Variants in RNF180 observed in about 807,000 individuals in gnomAD.
The protein encoded by RNF180 is ring finger protein 180, also known as E3 ubiquitin-protein ligase RNF180.
Under a neutral mutation model 59.2 loss-of-function variants are expected in RNF180, and 38 were observed. That is an observed-to-expected ratio of 0.64 (90% CI 0.50 to 0.84). The LOEUF is 0.84. Among genes scored for constraint, RNF180 ranks in the 40% least tolerant of loss-of-function variants. The pLI is 0.00. For missense variants in RNF180, 705 were observed against 700.9 expected, an observed-to-expected ratio of 1.01 and a Z score of -0.07; for synonymous variants, 262 against 240.3, an observed-to-expected ratio of 1.09 and a Z score of -0.84.
Position 64,369,814 on chromosome 5 carries a change from G to A in RNF180, c.1779G>A (p.Ter593=), listed in dbSNP as rs754306429. The A allele has an allele frequency of 2.5e-5, 37 of 1,467,554 alleles. No individual in the cohort carries two copies. The South Asian group carries it at 4.2e-4, about 17-fold the overall frequency. 90.9% of individuals were successfully genotyped at this position (1,467,554 alleles called of 1,614,324 possible). The part of the protein sequence containing the change: ...CFLCYFFFPF[*] ...TTTGCTATTTTTTCTTTCCGTTTTA[G>A]GAATTTCATACCTTACTACAATTGA... The change falls in exon 8 of 8, where the codon TAG becomes TAA. Residue 593 remains the stop codon, a stop_retained_variant. Coordinates refer to ENST00000389100, the MANE Select transcript of RNF180 (RefSeq NM_001113561.2).
At chr5:64,256,227 G>C (rs982794679) in intron 5 of RNF180, among the ~76,000 whole-genome samples, 39 of 152,038 alleles carry the variant, frequency 2.6e-4, no homozygotes, top group Non-Finnish European at 4.4e-4. Flanking sequence ...TGTCAATTTT[G>C]GCTTTTGTTG....
intron 7 of RNF180, among the ~76,000 whole-genome samples, chr5:64,331,028 A>C (rs1016014021): frequency 6.6e-6 from 1 of 152,158 alleles, no homozygotes; most frequent in Non-Finnish European, 1.5e-5. Context: ...ATTTCACAGC[A>C]AAGTTGAAGC....
chr5:64,315,044 C>T (rs2112491223), intron 5 of RNF180, among the ~76,000 whole-genome samples: 1 of 152,194 alleles, frequency 6.6e-6, no homozygotes, highest in Middle Eastern at 3.4e-3. Context: ...GTTCATTTAC[C>T]CATGCATGAT....
intron 5 of RNF180, among the ~76,000 whole-genome samples, chr5:64,293,090 C>A (rs757133219): frequency 1.8e-4 from 28 of 152,272 alleles, no homozygotes; most frequent in Non-Finnish European, 1.5e-4. Context: ...GGCTGGAATT[C>A]CAAACCAGTG....
chr5:64,228,389 C>CTA (rs1266002088), intron 5 of RNF180, among the ~76,000 whole-genome samples: 1 of 152,100 alleles, frequency 6.6e-6, no homozygotes, highest in East Asian at 1.9e-4. Flanking sequence ...TTATGCAAGC[C>CTA]TATAGTCCCA....
intron 7 of RNF180, among the ~76,000 whole-genome samples, chr5:64,347,967 AATAG>A (rs1745620390): frequency 1.3e-5 from 2 of 152,136 alleles, no homozygotes; most frequent in South Asian, 4.1e-4. Context: ...GTTGAGAAAT[AATAG>A]ATACCACTAT....
At chr5:64,352,545 A>G (rs969789362) in intron 7 of RNF180, among the ~76,000 whole-genome samples, 7 of 152,076 alleles carry the variant, frequency 4.6e-5, no homozygotes, top group African/African-American at 1.4e-4. Context: ...ATTTAGTGCT[A>G]TAAATTTCCC....
At chr5:64,206,173 A>G (rs1752007811) in intron 2 of RNF180, among the ~76,000 whole-genome samples, 1 of 152,212 alleles carries the variant, frequency 6.6e-6, no homozygotes, top group African/African-American at 2.4e-5. Context: ...AAAAGTGTCC[A>G]TTGGTTTTAA....
intron 5 of RNF180, among the ~76,000 whole-genome samples, chr5:64,281,065 T>C (rs1315144886): frequency 6.6e-6 from 1 of 152,210 alleles, no homozygotes; most frequent in Non-Finnish European, 1.5e-5. Flanking sequence ...TGTGTGTGGT[T>C]ATTGTGAATG....
chr5:64,214,412 T>G lies in RNF180; in HGVS notation c.1086T>G (p.Asn362Lys), dbSNP rs1159521069. 1 of 1,613,896 alleles carries G rather than the reference T, an allele frequency of 6.2e-7. No individual in the cohort carries two copies. Among genetic ancestry groups the G allele is most frequent in the Non-Finnish European group, 8.5e-7 (1 of 1,180,002 alleles). Reference sequence around the variant, plus strand: ...CTCTGGACTTCCTGCACTCAGCCAATTTTTCATTGGGCAGCATTAATCAGA... The same window carrying G: ...CTCTGGACTTCCTGCACTCAGCCAAGTTTTCATTGGGCAGCATTAATCAGA... ...LSPLDFLHSA[N>K]FSLGSINQRL... is the part of the protein sequence containing the mutation. The change falls in exon 4 of 8, where the codon AAT (asparagine) becomes AAG (lysine). Residue 362 changes from asparagine (N) to lysine (K), a missense_variant. Physicochemically the swap from Asn to Lys is moderately conservative, Grantham distance 94 (BLOSUM62 0). Coordinates refer to ENST00000389100, the MANE Select transcript of RNF180 (RefSeq NM_001113561.2).
chr5:64,224,525 G>A (rs962367436), intron 5 of RNF180, among the ~76,000 whole-genome samples: 1 of 152,198 alleles, frequency 6.6e-6, no homozygotes, highest in Non-Finnish European at 1.5e-5. Flanking sequence ...GTGAGGTGAT[G>A]ACAGCAGGTT....
chr5:64,357,805 G>A (rs1008802300), intron 7 of RNF180, among the ~76,000 whole-genome samples: 4 of 151,688 alleles, frequency 2.6e-5, no homozygotes, highest in African/African-American at 4.8e-5. Context: ...ATTCCGTAGC[G>A]AAAAAAAGTC....
At position 64,213,577 on chromosome 5, in the gene RNF180, A is replaced by T. The variant is rs1752425630; in HGVS notation, c.251A>T (p.Lys84Ile). The T allele has an allele frequency of 6.2e-7, 1 of 1,613,028 alleles. No homozygotes were observed. The highest frequency in any genetic ancestry group is 8.5e-7 in the Non-Finnish European group (1 of 1,179,282). The change falls in exon 4 of 8, where the codon AAA (lysine) becomes ATA (isoleucine). Residue 84 changes from lysine (K) to isoleucine (I), a missense_variant. Lys to Ile is a moderately radical substitution (Grantham distance 102). Coordinates refer to ENST00000389100, the MANE Select transcript of RNF180 (RefSeq NM_001113561.2). ...LIQKAQWTVG[K>I]LNCPFCGARL... ...CTGTAGGCCCAGTGGACAGTTGGAA[A>T]ACTGAATTGTCCTTTCTGTGGGGCC...
At chr5:64,313,311 C>G (rs1743870966) in intron 5 of RNF180, among the ~76,000 whole-genome samples, 1 of 152,010 alleles carries the variant, frequency 6.6e-6, no homozygotes, top group African/African-American at 2.4e-5. Context: ...TTCCTCTCTC[C>G]CTTTACCCAT....
chr5:64,370,015 C>T lies in RNF180; in HGVS notation c.*201C>T. Reference sequence around the variant, plus strand: ...AACTTTATTCAAGAGCTAACCTACCCAGCACTTAGCAACAATGCACTATTA... The same window carrying T: ...AACTTTATTCAAGAGCTAACCTACCTAGCACTTAGCAACAATGCACTATTA... On this transcript the variant is annotated 3_prime_UTR_variant, in exon 8 of 8. Coordinates refer to ENST00000389100, the MANE Select transcript of RNF180 (RefSeq NM_001113561.2). 1 of 382,386 alleles carries T rather than the reference C, an allele frequency of 2.6e-6. No homozygotes were observed. Among genetic ancestry groups the T allele is most frequent in the Admixed American group, 4.3e-5 (1 of 23,096 alleles). 23.7% of individuals were successfully genotyped at this position (382,386 alleles called of 1,614,324 possible).
intron 7 of RNF180, among the ~76,000 whole-genome samples, chr5:64,351,275 G>T (rs915240137): frequency 3.3e-5 from 5 of 152,174 alleles, no homozygotes; most frequent in Non-Finnish European, 7.3e-5. Context: ...GACTGCTGAA[G>T]TTGCTTATCA....
At chr5:64,174,661 T>G (rs533037508) in intron 1 of RNF180, among the ~76,000 whole-genome samples, 55 of 152,296 alleles carry the variant, frequency 3.6e-4, no homozygotes, top group Non-Finnish European at 6.9e-4. Context: ...CAGATTATTA[T>G]TATTTTACTG....
intron 1 of RNF180, among the ~76,000 whole-genome samples, chr5:64,170,127 A>G (rs1579913656): frequency 6.6e-6 from 1 of 152,252 alleles, no homozygotes; most frequent in Admixed American, 6.5e-5. Context: ...TCCACAAATA[A>G]TGATACACCC....
chr5:64,236,738 G>A (rs574648109), intron 5 of RNF180, among the ~76,000 whole-genome samples: 15 of 152,230 alleles, frequency 9.9e-5, no homozygotes, highest in Admixed American at 2.0e-4. Flanking sequence ...TGCTCTGTGC[G>A]GCTTCAGGCC....
Sources: allele counts gnomAD v4.1 joint callset (sites outside exome capture counted in the v4.1 genomes callset), GRCh38; gene constraint gnomAD v4.1.1; transcripts MANE v1.5; gene names NCBI Gene and HGNC (gene_info 2026-07-23, HGNC 2026-07-21).